FAM217B: variants seen among roughly 807,000 people sequenced by gnomAD.
FAM217B encodes the protein protein FAM217B.
For missense variants in FAM217B, 463 were observed against 456.9 expected, an observed-to-expected ratio of 1.01 and a Z score of -0.12; for synonymous variants, 163 against 173.0, an observed-to-expected ratio of 0.94 and a Z score of 0.45.
upstream of FAM217B, chr20:59,939,720 C>A: frequency 1.5e-6 from 2 of 1,313,798 alleles, no homozygotes; most frequent in South Asian, 2.2e-5. Context: ...TGAGCGCGCC[C>A]GCCGCAGGAT....
At chr20:59,937,084 CTTAATA>C (rs1425186578), upstream of FAM217B, 1 of 152,742 alleles carries the variant, frequency 6.5e-6, no homozygotes, top group Non-Finnish European at 1.5e-5. Flanking sequence ...GGGAGGTTCA[CTTAATA>C]TTAAATATAT....
Position 59,944,439 on chromosome 20 carries a change from A to G in FAM217B, c.496A>G (p.Asn166Asp). ...RDMALLLNAE[N>D]KTEAVPRVGG... ...TATGGCCCTGCTTCTGAACGCAGAG[A>G]ACAAAACGGAAGCCGTGCCCCGAGT... The change falls in exon 4 of 4, where the codon AAC becomes GAC. Residue 166 changes from asparagine (N) to aspartate (D), a missense_variant. Transcript: ENST00000360816. 6.2e-7 allele frequency: 1 copy of G among 1,613,888 alleles called. No individual in the cohort carries two copies. The highest frequency in any genetic ancestry group is 1.3e-5 in the African/African-American group (1 of 74,936).
chr20:59,939,281 G>T (rs369690383), upstream of FAM217B: 1 of 1,611,494 alleles, frequency 6.2e-7, no homozygotes, highest in Non-Finnish European at 8.5e-7. Context: ...CCACCGCCTC[G>T]TGGGTACTGC....
rs939285033 is a variant in FAM217B, at chr20:59,946,427, C to T, written c.*1332C>T. ...AAACTTGGCATTTTTCATTTGGGAACATATAATAGCTTGTAAACTTTTCAG... is the reference window on the plus strand; with the variant it reads ...AAACTTGGCATTTTTCATTTGGGAATATATAATAGCTTGTAAACTTTTCAG... On this transcript the variant is annotated 3_prime_UTR_variant, in exon 4 of 4. Transcript: ENST00000360816. The T allele has an allele frequency of 5.4e-5, 9 of 166,686 alleles. No homozygotes were observed. The highest frequency in any genetic ancestry group is 2.2e-4 in the African/African-American group (9 of 41,326). The allele number at this position is 166,686 out of a possible 1,614,324, so 10.3% of individuals were successfully genotyped here.
upstream of FAM217B, chr20:59,939,562 C>T (rs749325340): frequency 2.5e-6 from 4 of 1,611,330 alleles, no homozygotes; most frequent in Non-Finnish European, 2.5e-6. Flanking sequence ...ACGGACGGGT[C>T]GTCTCCCGCG....
At chr20:59,942,820 G>A (rs2060912628) in intron 3 of FAM217B, among the ~76,000 whole-genome samples, 1 of 152,128 alleles carries the variant, frequency 6.6e-6, no homozygotes. Context: ...GATGCATACT[G>A]ACAGGCAGGA....
Position 59,946,133 on chromosome 20 carries a change from A to C in FAM217B, c.*1038A>C, listed in dbSNP as rs1223241717. ...TATTTTGCTTGGGGTGAGGGGCGGG[A>C]GAGTGGAATATGAGTAAGGTTGCTG... On this transcript the variant is annotated 3_prime_UTR_variant, in exon 4 of 4. Transcript: ENST00000360816. 4.2e-5 allele frequency: 7 copies of C among 166,964 alleles called. No individual in the cohort carries two copies. The highest frequency in any genetic ancestry group is 2.1e-4 in the South Asian group (1 of 4,824). 10.3% of individuals were successfully genotyped at this position (166,964 alleles called of 1,614,324 possible). A position where few individuals can be genotyped will look rare whatever the true frequency, so the allele number is the denominator to read the frequency against.
intron 1 of FAM217B, among the ~76,000 whole-genome samples, chr20:59,934,432 C>T (rs961732004): frequency 6.6e-6 from 1 of 152,122 alleles, no homozygotes; most frequent in African/African-American, 2.4e-5. Context: ...GTTCGGCGCT[C>T]AGTCTTCTGC....
At position 59,944,196 on chromosome 20, in the gene FAM217B, A is replaced by G. The variant is rs1569008315; in HGVS notation, c.253A>G (p.Ile85Val). Residue 85 changes from isoleucine (I) to valine (V), a missense_variant, in exon 4 of 4, where the codon ATT becomes GTT. Ile to Val is a conservative substitution (Grantham distance 29). Coordinates refer to ENST00000360816, the MANE Select transcript of FAM217B (RefSeq NM_022106.3). ...LFLDFQSMKI[I>V]KENADEDSAS... Reference sequence around the variant, plus strand: ...TCTTGATTTTCAGTCAATGAAAATTATTAAAGAGAATGCTGATGAGGACAG... The same window carrying G: ...TCTTGATTTTCAGTCAATGAAAATTGTTAAAGAGAATGCTGATGAGGACAG... The G allele has an allele frequency of 1.9e-6, 3 of 1,614,192 alleles. No homozygotes were observed. Among genetic ancestry groups the G allele is most frequent in the East Asian group, 2.2e-5 (1 of 44,882 alleles).
intron 1 of FAM217B, among the ~76,000 whole-genome samples, chr20:59,934,201 G>C (rs1327454581): frequency 6.6e-6 from 1 of 152,204 alleles, no homozygotes; most frequent in Non-Finnish European, 1.5e-5. Flanking sequence ...TGGGCTCCTG[G>C]GTGCGGGTGC....
chr20:59,944,903 C>A lies in FAM217B; in HGVS notation c.960C>A (p.Ser320Arg). The A allele has an allele frequency of 1.2e-6, 2 of 1,614,182 alleles. No individual in the cohort carries two copies. Among genetic ancestry groups the A allele is most frequent in the South Asian group, 1.1e-5 (1 of 91,082 alleles). Residue 320 changes from serine (S) to arginine (R), a missense_variant, in exon 4 of 4, where the codon AGC becomes AGA. Transcript: ENST00000360816. ...GAAGCAGCTCTAAGGTGGAAACCAGCGGTCACATTCGAGTTCCCAAACAGG... is the reference window on the plus strand; with the variant it reads ...GAAGCAGCTCTAAGGTGGAAACCAGAGGTCACATTCGAGTTCCCAAACAGG... ...GSGSSSKVET[S>R]GHIRVPKQAA...
rs557228186 is a variant in FAM217B, at chr20:59,944,123, G to T, written c.180G>T (p.Arg60Ser). Residue 60 changes from arginine (R) to serine (S), a missense_variant, in exon 4 of 4, where the codon AGG (arginine) becomes AGT (serine). Transcript: ENST00000360816. ...ESISPEARRK[R>S]NPLGSRCQGA... ...TTTCCCCGGAAGCAAGACGCAAAAGGAATCCACTCGGTTCCAGGTGTCAGG... is the reference window on the plus strand; with the variant it reads ...TTTCCCCGGAAGCAAGACGCAAAAGTAATCCACTCGGTTCCAGGTGTCAGG... 6.2e-7 allele frequency: 1 copy of T among 1,614,094 alleles called. No individual in the cohort carries two copies. The highest frequency in any genetic ancestry group is 1.3e-5 in the African/African-American group (1 of 75,016).
At chr20:59,940,788 A>G (rs1011076983) in intron 1 of FAM217B, among the ~76,000 whole-genome samples, 3 of 152,178 alleles carry the variant, frequency 2.0e-5, no homozygotes, top group African/African-American at 7.2e-5. Context: ...AGGGAGCCTC[A>G]CTGCGTAGAG....
intron 3 of FAM217B, among the ~76,000 whole-genome samples, chr20:59,943,236 T>C (rs1282656672): frequency 6.6e-6 from 1 of 152,232 alleles, no homozygotes; most frequent in Non-Finnish European, 1.5e-5. Context: ...CATTATTCCC[T>C]TTACCTGCTA....
intron 1 of FAM217B, among the ~76,000 whole-genome samples, chr20:59,934,460 G>C (rs972096956): frequency 3.9e-5 from 6 of 152,148 alleles, no homozygotes; most frequent in African/African-American, 9.7e-5. Flanking sequence ...CCCCGTGCTC[G>C]CGTTCTGAGA....
At position 59,947,612 on chromosome 20, in the gene FAM217B, AT is replaced by A; in HGVS notation, c.*2518del. On this transcript the variant is annotated 3_prime_UTR_variant, in exon 4 of 4. Transcript: ENST00000360816. ...TAATCTGGGGAATAGTCATAATTTC[AT>A]GTGTTATACAGTTTAAAAAGCCTGC... 6.0e-6 allele frequency: 1 copy of A among 167,224 alleles called. No homozygotes were observed. The highest frequency in any genetic ancestry group is 3.4e-3 in the Middle Eastern group (1 of 296). The allele number at this position is 167,224 out of a possible 1,614,324, so 10.4% of individuals were successfully genotyped here.
At chr20:59,939,302 GA>G (rs780811989), upstream of FAM217B, 1 of 1,612,268 alleles carries the variant, frequency 6.2e-7, no homozygotes, top group South Asian at 1.1e-5. Flanking sequence ...GCCAGCCCGA[GA>G]AAGTGTAGCG....
At chr20:59,939,934 C>A (rs972658243), upstream of FAM217B, 4 of 1,263,140 alleles carry the variant, frequency 3.2e-6, no homozygotes, top group African/African-American at 6.2e-5. Flanking sequence ...CTGGACATGG[C>A]CCCGCCGGCC....
upstream of FAM217B, chr20:59,939,752 G>T: frequency 8.2e-7 from 1 of 1,225,112 alleles, no homozygotes; most frequent in Non-Finnish European, 1.0e-6. Flanking sequence ...GGCGGGGGTC[G>T]CAGCCCGACG....
Sources: gnomAD v4.1 joint callset for allele counts (sites outside exome capture counted in the v4.1 genomes callset) on GRCh38, gnomAD v4.1.1 for gene constraint, MANE v1.5 for transcripts, NCBI Gene and HGNC (gene_info 2026-07-23, HGNC 2026-07-21) for gene names.